The following TAF3 variants were observed in gnomAD, a reference collection of about 807,000 sequenced individuals.
TAF3 encodes TATA-box binding protein associated factor 3.
TAF3 carries 7 observed loss-of-function variants against 80.6 expected under a neutral mutation model. That is an observed-to-expected ratio of 0.09 (90% CI 0.05 to 0.16). The LOEUF is 0.16. TAF3 is among the 10% of genes least tolerant of loss of function. The probability of loss-of-function intolerance (pLI) is 1.00; values close to 1 mark genes in which losing one functional copy is unlikely to be tolerated. For missense variants in TAF3, 921 were observed against 1,140.2 expected, an observed-to-expected ratio of 0.81 and a Z score of 2.77; for synonymous variants, 444 against 446.1, an observed-to-expected ratio of 1.00 and a Z score of 0.06.
At chr10:7,883,041 AAC>A (rs1837376600) in intron 2 of TAF3, among the ~76,000 whole-genome samples, 1 of 152,200 alleles carries the variant, frequency 6.6e-6, no homozygotes, top group South Asian at 2.1e-4. Flanking sequence ...TATGTAACAG[AAC>A]AGTTATCAAA....
intron 2 of TAF3, among the ~76,000 whole-genome samples, chr10:7,948,064 GA>G (rs1164346846): frequency 7.0e-6 from 1 of 141,858 alleles, no homozygotes; most frequent in Non-Finnish European, 1.6e-5. Flanking sequence ...TTATGACTCT[GA>G]TTTTTTTTTT....
chr10:8,007,083 A>G (rs968753859), intron 4 of TAF3, among the ~76,000 whole-genome samples: 64 of 152,194 alleles, frequency 4.2e-4, no homozygotes, highest in Non-Finnish European at 8.8e-5. Context: ...GGCTTGGAGA[A>G]GTCCTTGAAC....
At chr10:7,997,962 A>G (rs1831905291) in intron 4 of TAF3, among the ~76,000 whole-genome samples, 1 of 152,300 alleles carries the variant, frequency 6.6e-6, no homozygotes, top group Admixed American at 6.5e-5. Context: ...ATATCATGTT[A>G]TACTGTTAAA....
At chr10:7,938,389 G>T (rs1417247073) in intron 2 of TAF3, among the ~76,000 whole-genome samples, 2 of 152,146 alleles carry the variant, frequency 1.3e-5, no homozygotes, top group Non-Finnish European at 2.9e-5. Context: ...TGATGGGCGG[G>T]CCTCGCCTAA....
intron 3 of TAF3, among the ~76,000 whole-genome samples, chr10:7,975,826 C>CAGT (rs1831667016): frequency 6.6e-6 from 1 of 152,110 alleles, no homozygotes. Context: ...CCCTTTAGAA[C>CAGT]CACTATACTG....
intron 2 of TAF3, among the ~76,000 whole-genome samples, chr10:7,884,141 G>A (rs1350431927): frequency 3.9e-5 from 6 of 152,108 alleles, no homozygotes; most frequent in African/African-American, 7.2e-5. Context: ...ACTGGGTTTC[G>A]ACATGAGTTT....
intron 4 of TAF3, among the ~76,000 whole-genome samples, chr10:7,993,880 C>CT (rs953356058): frequency 0.086 from 8,943 of 104,350 alleles, 459 homozygotes; most frequent in South Asian, 0.12. Context: ...AATATACAAT[C>CT]TTTTTTTTTT....
rs1258037351 is a variant in TAF3 at position 7,922,929 on chromosome 10, G to C, written c.410-40991G>C. On this transcript the variant is annotated intron_variant, in intron 2 of 6. Transcript: ENST00000344293. ...AAATAATAGGCTTATTAGAAAACTT[G>C]TATCTTCCAGATTCTACACTTAAAC... is the stretch of plus-strand genomic sequence containing the variant. Among the ~76,000 whole-genome samples, 3 of 151,940 alleles carry C rather than the reference G, an allele frequency of 2.0e-5. No individual in the cohort carries two copies. In the East Asian group the frequency reaches 5.8e-4, roughly 29 times the overall value.
intron 2 of TAF3, among the ~76,000 whole-genome samples, chr10:7,918,090 G>A (rs1339453929): frequency 6.6e-6 from 1 of 152,196 alleles, no homozygotes. Flanking sequence ...TGGTTAGTGT[G>A]GGGATAAGTG....
intron 2 of TAF3, among the ~76,000 whole-genome samples, chr10:7,909,060 G>C (rs1225592221): frequency 1.3e-5 from 2 of 152,238 alleles, no homozygotes; most frequent in Non-Finnish European, 2.9e-5. Context: ...TCCCTTACCA[G>C]CCGTCGCTGG....
chr10:7,822,815 A>T (rs987959711), intron 1 of TAF3, among the ~76,000 whole-genome samples: 3 of 152,382 alleles, frequency 2.0e-5, no homozygotes, highest in Non-Finnish European at 2.9e-5. Flanking sequence ...AGACATTTTT[A>T]AAGATGTAGA....
chr10:7,912,337 C>T (rs925522663), intron 2 of TAF3, among the ~76,000 whole-genome samples: 6 of 152,108 alleles, frequency 3.9e-5, no homozygotes, highest in Admixed American at 2.0e-4. Context: ...TGGGCTCAAG[C>T]GATCATTCTG....
At chr10:8,005,012 G>A (rs1255486109) in intron 4 of TAF3, among the ~76,000 whole-genome samples, 2 of 152,046 alleles carry the variant, frequency 1.3e-5, no homozygotes, top group Admixed American at 6.5e-5. Flanking sequence ...TTTCCAATCT[G>A]TTGTTAAATC....
intron 2 of TAF3, among the ~76,000 whole-genome samples, chr10:7,948,723 A>G (rs899242738): frequency 3.3e-5 from 5 of 152,192 alleles, no homozygotes; most frequent in Admixed American, 6.5e-5. Flanking sequence ...ATAACAACCA[A>G]AAGCTTAAAT....
At chr10:8,003,584 A>G (rs1405877990) in intron 4 of TAF3, among the ~76,000 whole-genome samples, 2 of 152,272 alleles carry the variant, frequency 1.3e-5, no homozygotes, top group Non-Finnish European at 2.9e-5. Context: ...GTCTGTTGAT[A>G]TGATTTCAGA....
intron 2 of TAF3, among the ~76,000 whole-genome samples, chr10:7,835,244 C>T (rs1836840205): frequency 6.6e-6 from 1 of 152,178 alleles, no homozygotes; most frequent in Non-Finnish European, 1.5e-5. Context: ...ACAAAAAAGT[C>T]ATAATGTTTT....
chr10:7,872,331 A>G (rs1235446307), intron 2 of TAF3, among the ~76,000 whole-genome samples: 2 of 148,852 alleles, frequency 1.3e-5, no homozygotes, highest in African/African-American at 2.5e-5. Context: ...AGTTCCCTGT[A>G]TAATTAGCAA....
intron 4 of TAF3, among the ~76,000 whole-genome samples, chr10:7,997,615 G>A (rs1321397386): frequency 1.3e-5 from 2 of 152,158 alleles, no homozygotes; most frequent in South Asian, 2.1e-4. Context: ...TATGAATAAC[G>A]CCAGTGTTTA....
intron 4 of TAF3, among the ~76,000 whole-genome samples, chr10:7,981,534 A>G (rs1831725550): frequency 2.0e-5 from 3 of 152,250 alleles, no homozygotes; most frequent in African/African-American, 7.2e-5. Flanking sequence ...GTAATTCTAA[A>G]TTCCCTTTGA....
Sources: allele counts gnomAD v4.1 joint callset (sites outside exome capture counted in the v4.1 genomes callset), GRCh38; gene constraint gnomAD v4.1.1; transcripts MANE v1.5; gene names NCBI Gene and HGNC (gene_info 2026-07-23, HGNC 2026-07-21).